Variants in AKAP6 observed in about 807,000 individuals in gnomAD.
AKAP6 encodes A-kinase anchor protein 6.
A neutral mutation model predicts 188.5 loss-of-function variants in AKAP6; 58 were observed. The ratio of observed to expected loss-of-function variants is 0.31; its 90% confidence interval spans 0.25 to 0.38. The LOEUF is 0.38. Ranked by LOEUF, AKAP6 falls within the 10% of genes least tolerant of loss-of-function variation. The pLI is 1.00. For missense variants in AKAP6, 2,710 were observed against 2,740.0 expected (o/e 0.99, Z 0.24); for synonymous variants, 989 against 998.6 (o/e 0.99, Z 0.18).
chr14:32,703,575 T>C (rs1428203409), intron 9 of AKAP6, among the ~76,000 whole-genome samples: 1 of 152,204 alleles, frequency 6.6e-6, no homozygotes, highest in Non-Finnish European at 1.5e-5. Context: ...ATGTTTCTCT[T>C]GCCTGTAATT....
rs41386652 is a variant in AKAP6, at chr14:32,606,895, C to T, written c.2730+6103C>T. Among the ~76,000 whole-genome samples the T allele has an allele frequency of 4.2e-3, 635 of 152,188 alleles. 4 individuals are homozygous for T. The highest frequency in any genetic ancestry group is 0.015 in the African/African-American group (607 of 41,522). The stretch of plus-strand genomic sequence containing the variant: ...TATGAATGAAAGTGTTAGATATTGG[C>T]TGAGAATTTACATCTATGTGGCCTT... On this transcript the variant is annotated intron_variant, in intron 7 of 13. Coordinates refer to ENST00000280979, the MANE Select transcript of AKAP6 (RefSeq NM_004274.5).
intron 7 of AKAP6, among the ~76,000 whole-genome samples, chr14:32,632,562 T>G (rs1219248758): frequency 6.6e-6 from 1 of 152,046 alleles, no homozygotes; most frequent in Admixed American, 6.6e-5. Flanking sequence ...TCAGAGGAAA[T>G]GATAAATTTG....
chr14:32,820,296 T>A (rs2034488150), intron 12 of AKAP6, among the ~76,000 whole-genome samples: 1 of 151,990 alleles, frequency 6.6e-6, no homozygotes. Context: ...TATATATATA[T>A]AATCTTTCTT....
In AKAP6 at chr14:32,836,964, A is replaced by C. The variant is rs990450511; in HGVS notation, c.*7159A>C. 1 of 152,240 alleles carries C rather than the reference A, an allele frequency of 6.6e-6. No individual in the cohort carries two copies. The highest frequency in any genetic ancestry group is 2.4e-5 in the African/African-American group (1 of 41,462). The allele number at this position is 152,240 out of a possible 1,614,324, so 9.4% of individuals were successfully genotyped here. A position where few individuals can be genotyped will look rare whatever the true frequency, so the allele number is the denominator to read the frequency against. ...GATGTTGGAAAAATAGCCAGTCCTG[A>C]TGACTTGGTCGAGGTAACTTGCTTT... On this transcript the variant is annotated 3_prime_UTR_variant, in exon 14 of 14. Coordinates refer to ENST00000280979, the MANE Select transcript of AKAP6 (RefSeq NM_004274.5).
intron 2 of AKAP6, among the ~76,000 whole-genome samples, chr14:32,513,903 G>A (rs577639127): frequency 7.2e-5 from 11 of 151,888 alleles, no homozygotes; most frequent in Non-Finnish European, 7.4e-5. Flanking sequence ...CTTCTGATGC[G>A]ATTAAATATA....
chr14:32,390,752 C>T (rs1254953338), intron 1 of AKAP6, among the ~76,000 whole-genome samples: 3 of 152,056 alleles, frequency 2.0e-5, no homozygotes, highest in African/African-American at 7.2e-5. Context: ...TGAAGTGTCT[C>T]CTGGGTCCTG....
At chr14:32,741,295 A>C (rs1219196427) in intron 11 of AKAP6, among the ~76,000 whole-genome samples, 1 of 151,946 alleles carries the variant, frequency 6.6e-6, no homozygotes, top group African/African-American at 2.4e-5. Flanking sequence ...TTCAAATGTA[A>C]GATAATATCT....
intron 12 of AKAP6, among the ~76,000 whole-genome samples, chr14:32,777,177 A>G (rs1042996203): frequency 1.5e-4 from 23 of 152,328 alleles, no homozygotes; most frequent in African/African-American, 5.5e-4. Context: ...GAAAGGATCA[A>G]ACTGTTTCAA....
chr14:32,758,252 A>G (rs1287142807), intron 11 of AKAP6, among the ~76,000 whole-genome samples: 1 of 152,070 alleles, frequency 6.6e-6, no homozygotes, highest in African/African-American at 2.4e-5. Context: ...AAATTAAATG[A>G]CTCACCCAGG....
intron 2 of AKAP6, among the ~76,000 whole-genome samples, chr14:32,496,098 G>A (rs895935670): frequency 6.6e-6 from 1 of 152,096 alleles, no homozygotes; most frequent in Admixed American, 6.6e-5. Context: ...ACCTGATTAG[G>A]TTATTTAATC....
intron 2 of AKAP6, among the ~76,000 whole-genome samples, chr14:32,482,969 G>C (rs1566530640): frequency 3.0e-5 from 2 of 67,014 alleles, no homozygotes. Context: ...GTGTGTGTGT[G>C]TGTCTGTGTG....
chr14:32,407,641 T>C (rs146004950), intron 1 of AKAP6, among the ~76,000 whole-genome samples: 2 of 152,328 alleles, frequency 1.3e-5, no homozygotes, highest in South Asian at 2.1e-4. Context: ...CTTCCTGATC[T>C]ATCTCTCCTT....
At chr14:32,496,325 G>T (rs571119656) in intron 2 of AKAP6, among the ~76,000 whole-genome samples, 9 of 152,164 alleles carry the variant, frequency 5.9e-5, no homozygotes, top group African/African-American at 1.9e-4. Context: ...CACTGATGGT[G>T]CATAACTTTG....
chr14:32,732,231 A>G (rs920139545), intron 9 of AKAP6, among the ~76,000 whole-genome samples: 3 of 151,628 alleles, frequency 2.0e-5, no homozygotes, highest in African/African-American at 7.3e-5. Context: ...TTTAAGAAGT[A>G]AATCTTAGTC....
intron 11 of AKAP6, among the ~76,000 whole-genome samples, chr14:32,745,024 T>TTGA (rs965205856): frequency 3.9e-5 from 6 of 152,180 alleles, no homozygotes; most frequent in African/African-American, 1.4e-4. Context: ...CTTGAATTCT[T>TTGA]TGAGTTTTTG....
intron 4 of AKAP6, among the ~76,000 whole-genome samples, chr14:32,558,608 C>T (rs1027430918): frequency 2.0e-5 from 3 of 152,110 alleles, no homozygotes; most frequent in African/African-American, 7.2e-5. Context: ...TAAGAGAAAT[C>T]GTTGGTGTTT....
At chr14:32,443,162 G>A (rs1177182544) in intron 2 of AKAP6, among the ~76,000 whole-genome samples, 8 of 152,186 alleles carry the variant, frequency 5.3e-5, no homozygotes, top group Admixed American at 3.3e-4. Context: ...TTGGGCGGCC[G>A]AGGCAGGTGG....
intron 2 of AKAP6, among the ~76,000 whole-genome samples, chr14:32,453,799 G>A (rs1345016038): frequency 6.9e-6 from 1 of 145,946 alleles, no homozygotes; most frequent in Non-Finnish European, 1.5e-5. Context: ...GGGTTTCACC[G>A]TGGTCTCGAT....
At chr14:32,670,421 C>T (rs1566636867) in intron 7 of AKAP6, among the ~76,000 whole-genome samples, 2 of 151,940 alleles carry the variant, frequency 1.3e-5, no homozygotes, top group Non-Finnish European at 2.9e-5. Context: ...GCATTCTGGA[C>T]TAGTTGCTAA....
Sources: allele counts gnomAD v4.1 joint callset (sites outside exome capture counted in the v4.1 genomes callset), GRCh38; gene constraint gnomAD v4.1.1; transcripts MANE v1.5; gene names NCBI Gene and HGNC (gene_info 2026-07-23, HGNC 2026-07-21).